CSMD2: variants seen among roughly 807,000 people sequenced by gnomAD.
CSMD2 encodes the protein CUB and Sushi multiple domains 2, also known as CUB and sushi domain-containing protein 2.
CSMD2 carries 130 observed loss-of-function variants against 398.5 expected under a neutral mutation model. The ratio of observed to expected loss-of-function variants is 0.33; its 90% CI spans 0.28 to 0.38. The LOEUF (loss-of-function observed/expected upper bound fraction) is 0.38, where lower values mean the gene tolerates loss of function less well. Ranked by LOEUF, CSMD2 falls within the 10% of genes least tolerant of loss-of-function variation. The pLI, the probability that CSMD2 is intolerant of heterozygous loss-of-function variation, is 1.00. For synonymous variants in CSMD2, 1,828 were observed against 1,908.5 expected (o/e 0.96, Z 1.10); for missense variants, 3,829 against 4,764.9 (o/e 0.80, Z 5.78).
At chr1:33,715,430 C>T (rs761179804) in intron 20 of CSMD2, among the ~76,000 whole-genome samples, 2 of 152,018 alleles carry the variant, frequency 1.3e-5, no homozygotes, top group Non-Finnish European at 2.9e-5. Flanking sequence ...GTGACTAGTC[C>T]CTCGTCTGCA....
chr1:33,646,844 C>T lies in CSMD2; in HGVS notation c.4587-9G>A, dbSNP rs554116410. On this transcript the variant is annotated splice_polypyrimidine_tract_variant and intron_variant, in intron 28 of 70. Transcript: ENST00000373381. The stretch of plus-strand genomic sequence containing the variant: ...CAGGCTCCAGGTTAAAGCTGGGGAA[C>T]AAAAACATCCCACCCCCACCCCACT... 9.4e-6 allele frequency: 15 copies of T among 1,602,648 alleles called. No individual in the cohort carries two copies. Among genetic ancestry groups the T allele is most frequent in the South Asian group, 1.1e-5 (1 of 89,492 alleles).
rs189844634 is a variant in CSMD2 at position 33,514,188 on chromosome 1, G to A, written c.*2436C>T. 388 of 150,620 alleles carry A rather than the reference G, an allele frequency of 2.6e-3. 2 individuals carry two copies. The highest frequency in any genetic ancestry group is 9.2e-3 in the African/African-American group (376 of 40,838). The allele number at this position is 150,620 out of a possible 1,614,324, so 9.3% of individuals were successfully genotyped here. On this transcript the variant is annotated 3_prime_UTR_variant, in exon 71 of 71. Coordinates refer to ENST00000373381, the MANE Select transcript of CSMD2 (RefSeq NM_001281956.2). Reference sequence around the variant, plus strand: ...AGATTACATATTTACAGCACTTGATGTTTTCTGAAAACCATATTTATACAT... The same window carrying A: ...AGATTACATATTTACAGCACTTGATATTTTCTGAAAACCATATTTATACAT...
At chr1:33,982,614 A>T (rs965154390) in intron 3 of CSMD2, among the ~76,000 whole-genome samples, 2 of 152,178 alleles carry the variant, frequency 1.3e-5, no homozygotes, top group African/African-American at 2.4e-5. Flanking sequence ...ATTCATGTTG[A>T]ATGACTGAAT....
intron 1 of CSMD2, among the ~76,000 whole-genome samples, chr1:34,092,886 C>G (rs189010953): frequency 0.22 from 33,447 of 150,502 alleles, 3,805 homozygotes; most frequent in Admixed American, 0.32. Flanking sequence ...CCGGAAAGCT[C>G]GAACTGGGTG....
chr1:33,817,659 C>T (rs4628471), intron 9 of CSMD2, among the ~76,000 whole-genome samples: 67,501 of 152,046 alleles, frequency 0.44, 16,539 homozygotes, highest in East Asian at 0.63. Context: ...TATGTGTGCA[C>T]GTAAGTCTCA....
rs1659092782 is a variant in CSMD2, at chr1:33,828,597, AT to A, written c.1034-2824del. On this transcript the variant is annotated intron_variant, in intron 6 of 70. Coordinates refer to ENST00000373381, the MANE Select transcript of CSMD2 (RefSeq NM_001281956.2). ...CATTCCCAGGGGCAAAGCTGCTTGG[AT>A]TTTCCATGTAGGGGCTGATGTGGGC... Among the ~76,000 whole-genome samples the A allele has an allele frequency of 2.0e-5, 3 of 152,118 alleles. No individual in the cohort carries two copies. In the South Asian group the frequency reaches 6.2e-4, roughly 32 times the overall value.
intron 24 of CSMD2, among the ~76,000 whole-genome samples, chr1:33,697,592 C>G (rs1020173580): frequency 6.6e-6 from 1 of 152,212 alleles, no homozygotes; most frequent in Non-Finnish European, 1.5e-5. Flanking sequence ...CACCCTTGCA[C>G]GTGCTCAGTC....
intron 13 of CSMD2, among the ~76,000 whole-genome samples, chr1:33,765,409 T>C (rs1650365119): frequency 6.6e-6 from 1 of 152,102 alleles, no homozygotes; most frequent in African/African-American, 2.4e-5. Context: ...ACTCAAGAAA[T>C]AGACTTAACT....
intron 3 of CSMD2, among the ~76,000 whole-genome samples, chr1:33,951,052 G>A (rs1644993438): frequency 6.6e-6 from 1 of 152,128 alleles, no homozygotes; most frequent in African/African-American, 2.4e-5. Flanking sequence ...CTTTCCCCTT[G>A]GTCCTCTATC....
At chr1:33,846,462 G>A (rs561884647) in intron 6 of CSMD2, among the ~76,000 whole-genome samples, 2 of 152,368 alleles carry the variant, frequency 1.3e-5, no homozygotes, top group African/African-American at 4.8e-5. Flanking sequence ...AAAGGCAGGA[G>A]TTCAGATGGC....
At chr1:33,561,804 A>T (rs1658574551) in intron 53 of CSMD2, among the ~76,000 whole-genome samples, 1 of 152,188 alleles carries the variant, frequency 6.6e-6, no homozygotes, top group Non-Finnish European at 1.5e-5. Flanking sequence ...GAGAGCAGGG[A>T]TAAGCATCGC....
chr1:34,064,443 C>T lies in CSMD2; in HGVS notation c.404+24534G>A, dbSNP rs566005784. Among the ~76,000 whole-genome samples, 31 of 152,196 alleles carry T rather than the reference C, an allele frequency of 2.0e-4. No homozygotes were observed. In the South Asian group the frequency reaches 2.9e-3, roughly 14 times the overall value. The stretch of plus-strand genomic sequence containing the variant: ...TTCAAAGTTCCACAAGTCTCTAGGG[C>T]GGGGGCAAAATGTCACCAGTCTCTT... On this transcript the variant is annotated intron_variant, in intron 2 of 70. Coordinates refer to ENST00000373381, the MANE Select transcript of CSMD2 (RefSeq NM_001281956.2).
chr1:33,830,588 C>CT (rs1157506130), intron 6 of CSMD2, among the ~76,000 whole-genome samples: 3 of 152,194 alleles, frequency 2.0e-5, no homozygotes, highest in Non-Finnish European at 4.4e-5. Context: ...ACTGGAAACT[C>CT]TAAAAAGCAG....
At chr1:33,607,704 C>T (rs1263603907) in intron 41 of CSMD2, among the ~76,000 whole-genome samples, 1 of 152,242 alleles carries the variant, frequency 6.6e-6, no homozygotes, top group Admixed American at 6.5e-5. Flanking sequence ...GGTGCCCCGG[C>T]ACCATGTGTG....
intron 5 of CSMD2, among the ~76,000 whole-genome samples, chr1:33,908,376 A>G (rs2025000): frequency 0.14 from 20,988 of 152,118 alleles, 3,318 homozygotes; most frequent in African/African-American, 0.39. Context: ...ACCCAGAACA[A>G]CTCCTTCCAT....
intron 1 of CSMD2, among the ~76,000 whole-genome samples, chr1:34,111,389 C>T (rs983982779): frequency 6.6e-6 from 1 of 152,190 alleles, no homozygotes; most frequent in Non-Finnish European, 1.5e-5. Flanking sequence ...ATCTCCCCAC[C>T]AGACTGAGTT....
chr1:34,149,206 G>T (rs570596513), intron 1 of CSMD2, among the ~76,000 whole-genome samples: 1 of 152,088 alleles, frequency 6.6e-6, no homozygotes, highest in African/African-American at 2.4e-5. Flanking sequence ...TCCTCACTGG[G>T]ACCACAGACT....
intron 1 of CSMD2, among the ~76,000 whole-genome samples, chr1:34,120,298 A>T (rs1662043872): frequency 6.6e-6 from 1 of 152,170 alleles, no homozygotes; most frequent in South Asian, 2.1e-4. Context: ...GGGCTGGGGG[A>T]AAGGAGAGTT....
At chr1:33,920,128 G>A (rs1240566994) in intron 4 of CSMD2, among the ~76,000 whole-genome samples, 1 of 152,128 alleles carries the variant, frequency 6.6e-6, no homozygotes, top group African/African-American at 2.4e-5. Context: ...TTGAAGGAAT[G>A]AGAGAGGAAG....
Sources: gnomAD v4.1 joint callset for allele counts (sites outside exome capture counted in the v4.1 genomes callset) on GRCh38, gnomAD v4.1.1 for gene constraint, MANE v1.5 for transcripts, NCBI Gene and HGNC (gene_info 2026-07-23, HGNC 2026-07-21) for gene names.